The following VWA3B variants were observed in gnomAD, a reference collection of about 807,000 sequenced individuals.
The protein encoded by VWA3B is von Willebrand factor A domain-containing protein 3B.
In VWA3B, 138 loss-of-function variants were observed where a neutral mutation model predicts 158.3. The observed-to-expected ratio is 0.87, with a 90% CI of 0.76 to 1.00. The LOEUF is 1.00. Among genes scored for constraint, VWA3B ranks in the 50% least tolerant of loss-of-function variants. The pLI is 0.00. For synonymous variants in VWA3B, 596 were observed against 587.3 expected (o/e 1.01, Z -0.21); for missense variants, 1,555 against 1,565.1 (o/e 0.99, Z 0.11).
At chr2:98,229,685 C>T (rs971823727) in intron 15 of VWA3B, among the ~76,000 whole-genome samples, 2 of 152,158 alleles carry the variant, frequency 1.3e-5, no homozygotes, top group Admixed American at 6.5e-5. Flanking sequence ...TTCACTCCTA[C>T]GAATCCTCCC....
chr2:98,208,842 C>T (rs1002304108), intron 12 of VWA3B, among the ~76,000 whole-genome samples: 7 of 152,086 alleles, frequency 4.6e-5, no homozygotes, highest in African/African-American at 1.4e-4. Flanking sequence ...TTCCATTGTT[C>T]TTTTTTCTGA....
intron 12 of VWA3B, among the ~76,000 whole-genome samples, chr2:98,200,281 G>A (rs1164526161): frequency 2.6e-5 from 4 of 152,084 alleles, no homozygotes; most frequent in Admixed American, 1.3e-4. Context: ...GGTGGCTCAC[G>A]CCTGTAATCC....
chr2:98,159,222 C>T (rs544674731), intron 7 of VWA3B, among the ~76,000 whole-genome samples: 53 of 152,178 alleles, frequency 3.5e-4, no homozygotes, highest in African/African-American at 1.1e-3. Flanking sequence ...CATTTTAACA[C>T]GAGCCTGCAA....
intron 2 of VWA3B, among the ~76,000 whole-genome samples, chr2:98,112,409 G>A (rs1198815520): frequency 1.3e-5 from 2 of 151,420 alleles, no homozygotes; most frequent in African/African-American, 4.8e-5. Context: ...GAACACTTTT[G>A]CTGGTTTTAG....
the VWA3B span, among the ~76,000 whole-genome samples, chr2:98,320,315 T>C: frequency 6.6e-6 from 1 of 152,180 alleles, no homozygotes; most frequent in Admixed American, 6.5e-5. Flanking sequence ...CGCTTTTCTT[T>C]CTAAATTAGC....
At chr2:98,178,724 C>A (rs755224675) in intron 8 of VWA3B, among the ~76,000 whole-genome samples, 3 of 152,146 alleles carry the variant, frequency 2.0e-5, no homozygotes, top group Admixed American at 6.5e-5. Flanking sequence ...ATCCCAATGT[C>A]CAGGCCACAC....
chr2:98,327,051 T>C, the VWA3B span, among the ~76,000 whole-genome samples: 1 of 151,038 alleles, frequency 6.6e-6, no homozygotes, highest in South Asian at 2.1e-4. Flanking sequence ...TCCCAGCACT[T>C]TGGGAAGCCG....
intron 2 of VWA3B, among the ~76,000 whole-genome samples, chr2:98,096,924 G>GTTGTTTGTTTTT: frequency 6.6e-6 from 1 of 152,018 alleles, no homozygotes; most frequent in African/African-American, 2.4e-5. Context: ...TGATCGCTAA[G>GTTGTTTGTTTTT]GTAAGGTAAA....
intron 24 of VWA3B, 80 bp from the exon 25 acceptor site, chr2:98,299,999 G>A (rs1159703831): frequency 3.2e-6 from 5 of 1,569,184 alleles, no homozygotes. Context: ...AATTGCCTTG[G>A]AGTATTTTAA....
At chr2:98,271,217 G>GT (rs1688183215) in intron 22 of VWA3B, among the ~76,000 whole-genome samples, 1 of 152,052 alleles carries the variant, frequency 6.6e-6, no homozygotes, top group Non-Finnish European at 1.5e-5. Flanking sequence ...TGTGATTTTG[G>GT]TTACTCAGTC....
chr2:98,235,517 C>T (rs545710673), intron 17 of VWA3B, among the ~76,000 whole-genome samples: 1 of 152,020 alleles, frequency 6.6e-6, no homozygotes, highest in South Asian at 2.1e-4. Context: ...CCTCTGCCTC[C>T]ACGGTTCAAG....
intron 22 of VWA3B, among the ~76,000 whole-genome samples, chr2:98,289,754 G>C (rs932266044): frequency 6.6e-6 from 1 of 152,186 alleles, no homozygotes; most frequent in Admixed American, 6.5e-5. Context: ...TAGGAAGGCA[G>C]CAGTGCTGAT....
chr2:98,088,774 G>T (rs1682049802), intron 1 of VWA3B, among the ~76,000 whole-genome samples: 1 of 150,884 alleles, frequency 6.6e-6, no homozygotes, highest in African/African-American at 2.4e-5. Context: ...TTTTTTTTGA[G>T]ACAGGGTCTC....
chr2:98,202,503 G>A (rs1392981869), intron 12 of VWA3B, among the ~76,000 whole-genome samples: 1 of 151,670 alleles, frequency 6.6e-6, no homozygotes, highest in Non-Finnish European at 1.5e-5. Flanking sequence ...TTTAAATTGT[G>A]TTGATTCCTG....
chr2:98,280,927 T>C (rs538050401), intron 22 of VWA3B, among the ~76,000 whole-genome samples: 1 of 152,350 alleles, frequency 6.6e-6, no homozygotes, highest in South Asian at 2.1e-4. Context: ...TTGCTGCTTC[T>C]TCAGGGCTCA....
chr2:98,280,654 G>A (rs925882303), intron 22 of VWA3B, among the ~76,000 whole-genome samples: 3 of 152,252 alleles, frequency 2.0e-5, no homozygotes, highest in African/African-American at 7.2e-5. Context: ...GAGGGAGGTG[G>A]AAACTGCACT....
At chr2:98,156,898 A>G (rs6543329) in intron 7 of VWA3B, among the ~76,000 whole-genome samples, 42,715 of 152,004 alleles carry the variant, frequency 0.28, 8,396 homozygotes, top group African/African-American at 0.56. Flanking sequence ...TACTAGCCCC[A>G]TAGCATCCTG....
chr2:98,191,509 T>TGCTTTTCA (rs1681567392), intron 10 of VWA3B, among the ~76,000 whole-genome samples: 1 of 152,234 alleles, frequency 6.6e-6, no homozygotes, highest in Non-Finnish European at 1.5e-5. Context: ...CTCTAGGAAT[T>TGCTTTTCA]GCTTTTCAGT....
In VWA3B at chr2:98,286,185, G is replaced by A. The variant is rs139122702; in HGVS notation, c.3046-4326G>A. 3.6e-3 allele frequency among the ~76,000 whole-genome samples: 548 copies of A among 152,084 alleles called. 2 individuals carry two copies. Among genetic ancestry groups the A allele is most frequent in the African/African-American group, 0.011 (476 of 41,500 alleles). ...CTAGTAGTTTTTGGGTGACTTCCCC[G>A]GAGTTTTCACATACAGAATCATGTC... On this transcript the variant is annotated intron_variant, in intron 22 of 27. Coordinates refer to ENST00000477737, the MANE Select transcript of VWA3B (RefSeq NM_144992.5).
Sources: gnomAD v4.1 joint callset for allele counts (sites outside exome capture counted in the v4.1 genomes callset) on GRCh38, gnomAD v4.1.1 for gene constraint, MANE v1.5 for transcripts, NCBI Gene and HGNC (gene_info 2026-07-23, HGNC 2026-07-21) for gene names.